Variants in NME8 observed in about 807,000 individuals in gnomAD.
The protein encoded by NME8 is protein NME8.
NME8 carries 72 observed loss-of-function variants against 82.3 expected under a neutral mutation model. That is an observed-to-expected ratio of 0.87 (90% CI 0.72 to 1.06). The LOEUF is 1.06. Among genes scored for constraint, NME8 ranks in the 50% least tolerant of loss-of-function variants. The pLI, the probability that NME8 is intolerant of heterozygous loss-of-function variation, is 0.00. For synonymous variants in NME8, 267 were observed against 228.5 expected (o/e 1.17, Z -1.52); for missense variants, 712 against 685.4 (o/e 1.04, Z -0.43).
chr7:37,867,864 G>A lies in NME8; in HGVS notation c.784G>A (p.Val262Ile), dbSNP rs755131627. ...GGATCAACCTGAGGTCGAAGCCCAG[G>A]TTACACCTGGAATGATGAAGAACAA... ...SEDQPEVEAQ[V>I]TPGMMKNKQD... The change falls in exon 11 of 18, where the codon GTT becomes ATT. Residue 262 changes from valine (V) to isoleucine (I), a missense_variant. Val to Ile is a conservative substitution (Grantham distance 29). Transcript: ENST00000199447. 2 of 1,613,754 alleles carry A rather than the reference G, an allele frequency of 1.2e-6. No individual in the cohort carries two copies. Among genetic ancestry groups the A allele is most frequent in the South Asian group, 1.1e-5 (1 of 91,084 alleles).
At chr7:37,882,553 AAG>A (rs1303184155) in intron 12 of NME8, among the ~76,000 whole-genome samples, 3 of 37,722 alleles carry the variant, frequency 8.0e-5, no homozygotes, top group South Asian at 1.5e-3. Context: ...AAGGGAAAGA[AAG>A]AAAGAAAGAA....
rs776246131 is a variant in NME8 at position 37,867,880 on chromosome 7, TGAA to T, written c.804_806del (p.Lys268del). ...GAAGCCCAGGTTACACCTGGAATGA[TGAA>T]GAACAAACAAGACAGGTATAGCTCA... is the stretch of plus-strand genomic sequence containing the variant. On this transcript the variant is annotated inframe_deletion, in exon 11 of 18. Transcript: ENST00000199447. 6.2e-7 allele frequency: 1 copy of T among 1,613,644 alleles called. No individual in the cohort carries two copies. The highest frequency in any genetic ancestry group is 1.1e-5 in the South Asian group (1 of 91,068).
intron 8 of NME8, 109 bp from the exon 9 acceptor site, chr7:37,864,239 A>G (rs1784640217): frequency 3.7e-6 from 5 of 1,346,730 alleles, no homozygotes; most frequent in Non-Finnish European, 5.1e-6. Flanking sequence ...ATCAATGGGC[A>G]ACAATTAACT....
At chr7:37,852,622 C>A (rs1361414261) in intron 5 of NME8, among the ~76,000 whole-genome samples, 2 of 152,082 alleles carry the variant, frequency 1.3e-5, no homozygotes, top group African/African-American at 4.8e-5. Flanking sequence ...AGATTGGCTT[C>A]TTTTACTTAG....
rs373038053 is a variant in NME8, at chr7:37,883,973, ACACACACACACACC to A, written c.995-323_995-310del. 1.5e-3 allele frequency among the ~76,000 whole-genome samples: 221 copies of A among 151,404 alleles called. 2 individuals carry two copies. The highest frequency in any genetic ancestry group is 3.4e-3 in the Middle Eastern group (1 of 294). On this transcript the variant is annotated intron_variant, in intron 12 of 17. Coordinates refer to ENST00000199447, the MANE Select transcript of NME8 (RefSeq NM_016616.5). ...TTTAGGTTACTGTCTACACACACAC[ACACACACACACACC>A]CACACAATCACTCACATTCACATGC... is the stretch of plus-strand genomic sequence containing the variant.
intron 16 of NME8, among the ~76,000 whole-genome samples, chr7:37,895,193 CATA>C (rs905768977): frequency 1.3e-5 from 2 of 152,128 alleles, no homozygotes; most frequent in South Asian, 2.1e-4. Context: ...ACTATGTATA[CATA>C]ATAACATAAA....
intron 5 of NME8, among the ~76,000 whole-genome samples, chr7:37,855,081 C>T (rs1231757327): frequency 6.6e-6 from 1 of 152,092 alleles, no homozygotes; most frequent in East Asian, 1.9e-4. Flanking sequence ...CTTCCAGGTC[C>T]TTATGAGCCC....
At chr7:37,863,152 G>A (rs1198298577) in intron 7 of NME8, among the ~76,000 whole-genome samples, 2 of 151,924 alleles carry the variant, frequency 1.3e-5, no homozygotes. Context: ...AAAAAATTAA[G>A]GTTTGCTACC....
intron 11 of NME8, among the ~76,000 whole-genome samples, chr7:37,873,978 A>G (rs753697761): frequency 6.6e-6 from 1 of 152,208 alleles, no homozygotes; most frequent in Non-Finnish European, 1.5e-5. Context: ...CTTGACTGCC[A>G]TAGGGCTCAT....
chr7:37,854,712 C>T (rs1233248983), intron 5 of NME8, among the ~76,000 whole-genome samples: 1 of 152,132 alleles, frequency 6.6e-6, no homozygotes, highest in African/African-American at 2.4e-5. Flanking sequence ...TTTAGAGGCA[C>T]TCATCTCTAC....
chr7:37,850,656 G>C lies in NME8; in HGVS notation c.119G>C (p.Gly40Ala). 6.2e-7 allele frequency: 1 copy of C among 1,612,708 alleles called. No homozygotes were observed. The highest frequency in any genetic ancestry group is 1.3e-5 in the African/African-American group (1 of 74,992). Reference sequence around the variant, plus strand: ...ATTGATGTTTACCAAGCCTGGTGTGGACCTTGCAGAGCAATGCAACCTTTA... The same window carrying C: ...ATTGATGTTTACCAAGCCTGGTGTGCACCTTGCAGAGCAATGCAACCTTTA... The part of the protein sequence containing the change: ...TVIDVYQAWC[G>A]PCRAMQPLFR... The change falls in exon 5 of 18, where the codon GGA becomes GCA. Residue 40 changes from glycine to alanine, a missense_variant. By Grantham distance (60) the Gly-to-Ala change is moderately conservative. Transcript: ENST00000199447.
At chr7:37,877,489 C>T (rs1048088667) in intron 12 of NME8, among the ~76,000 whole-genome samples, 4 of 152,250 alleles carry the variant, frequency 2.6e-5, no homozygotes, top group Non-Finnish European at 5.9e-5. Context: ...AACAAGAACA[C>T]AAGTCATAAA....
At chr7:37,882,579 G>GA (rs1562838058) in intron 12 of NME8, among the ~76,000 whole-genome samples, 1 of 47,362 alleles carries the variant, frequency 2.1e-5, no homozygotes, top group East Asian at 1.0e-3. Flanking sequence ...AAGAAAGAAA[G>GA]AAAGAAAGAA....
chr7:37,885,958 A>G (rs1785033445), intron 14 of NME8, among the ~76,000 whole-genome samples: 1 of 152,200 alleles, frequency 6.6e-6, no homozygotes, highest in South Asian at 2.1e-4. Flanking sequence ...TCAGGTGTGC[A>G]AGAATATAGA....
intron 17 of NME8, among the ~76,000 whole-genome samples, chr7:37,899,351 A>G (rs1785278235): frequency 6.6e-6 from 1 of 152,250 alleles, no homozygotes; most frequent in Non-Finnish European, 1.5e-5. Flanking sequence ...CTATGCAGCC[A>G]TAAAAGGGAA....
chr7:37,879,506 A>C (rs761584773), intron 12 of NME8, among the ~76,000 whole-genome samples: 1 of 152,100 alleles, frequency 6.6e-6, no homozygotes, highest in African/African-American at 2.4e-5. Flanking sequence ...GTGTTCCTCC[A>C]TGTCTTCTGG....
At chr7:37,855,959 C>G (rs1784506067) in intron 5 of NME8, among the ~76,000 whole-genome samples, 1 of 152,074 alleles carries the variant, frequency 6.6e-6, no homozygotes, top group Non-Finnish European at 1.5e-5. Context: ...CCCAATTACT[C>G]TTAGACTGGA....
chr7:37,882,581 AAGAAAGAAAGAAAGAAAGAGAG>A (rs1428896319), intron 12 of NME8, among the ~76,000 whole-genome samples: 3 of 51,730 alleles, frequency 5.8e-5, no homozygotes, highest in African/African-American at 2.3e-4. Flanking sequence ...GAAAGAAAGA[AAGAAAGAAAGAAAGAAAGAGAG>A]AGAGAGAGAG....
chr7:37,869,611 C>T (rs1028944893), intron 11 of NME8, among the ~76,000 whole-genome samples: 18 of 152,118 alleles, frequency 1.2e-4, no homozygotes, highest in Admixed American at 7.9e-4. Context: ...AGCTCTCCCT[C>T]CAGAACAAGG....
Sources: gnomAD v4.1 joint callset for allele counts (sites outside exome capture counted in the v4.1 genomes callset) on GRCh38, gnomAD v4.1.1 for gene constraint, MANE v1.5 for transcripts, NCBI Gene and HGNC (gene_info 2026-07-23, HGNC 2026-07-21) for gene names.